The following NEK11 variants were observed in gnomAD, a reference collection of about 807,000 sequenced individuals.
The protein encoded by NEK11 is serine/threonine-protein kinase Nek11.
Under a neutral mutation model 80.7 loss-of-function variants are expected in NEK11, and 72 were observed. The ratio of observed to expected loss-of-function variants is 0.89; its 90% CI spans 0.74 to 1.08. NEK11 has a LOEUF of 1.08. Ranked by LOEUF, NEK11 falls within the 50% of genes least tolerant of loss-of-function variation. The pLI, the probability that NEK11 is intolerant of heterozygous loss-of-function variation, is 0.00. For synonymous variants in NEK11, 251 were observed against 260.7 expected (o/e 0.96, Z 0.36); for missense variants, 764 against 763.6 (o/e 1.00, Z -0.01).
At chr3:131,175,879 T>C (rs558862146) in intron 14 of NEK11, among the ~76,000 whole-genome samples, 1 of 152,188 alleles carries the variant, frequency 6.6e-6, no homozygotes, top group Admixed American at 6.5e-5. Context: ...AGTGAAGTCA[T>C]GGAGATAGAA....
At chr3:131,248,976 T>C (rs1028040626) in intron 16 of NEK11, among the ~76,000 whole-genome samples, 2 of 151,964 alleles carry the variant, frequency 1.3e-5, no homozygotes, top group Non-Finnish European at 2.9e-5. Context: ...ACTGATTGAA[T>C]AGTTAATATC....
intron 17 of NEK11, among the ~76,000 whole-genome samples, chr3:131,338,723 T>G (rs4300985): frequency 0.13 from 19,729 of 152,206 alleles, 1,894 homozygotes; most frequent in East Asian, 0.3. Flanking sequence ...GCTATGTTAA[T>G]TGAAAGGCAC....
intron 7 of NEK11, among the ~76,000 whole-genome samples, chr3:131,135,919 G>A (rs906564700): frequency 3.3e-5 from 5 of 151,898 alleles, no homozygotes; most frequent in Admixed American, 3.3e-4. Context: ...CCCACAGAGA[G>A]GAAAGGAAAG....
At chr3:131,240,767 T>G (rs548875794) in intron 15 of NEK11, among the ~76,000 whole-genome samples, 95 of 152,240 alleles carry the variant, frequency 6.2e-4, no homozygotes, top group African/African-American at 2.2e-3. Context: ...AGTGACACAG[T>G]TTTTTTCTTG....
chr3:131,095,112 A>T (rs1205195063), intron 4 of NEK11, among the ~76,000 whole-genome samples: 1 of 152,152 alleles, frequency 6.6e-6, no homozygotes, highest in Non-Finnish European at 1.5e-5. Flanking sequence ...GACTTGGATC[A>T]ATCTTATGGA....
intron 17 of NEK11, among the ~76,000 whole-genome samples, chr3:131,320,538 A>G (rs1279735057): frequency 6.6e-6 from 1 of 152,066 alleles, no homozygotes; most frequent in Non-Finnish European, 1.5e-5. Flanking sequence ...AGAGAGAGAG[A>G]GAAGGAAAGA....
intron 7 of NEK11, among the ~76,000 whole-genome samples, chr3:131,151,771 G>T (rs1234364504): frequency 1.3e-5 from 2 of 151,622 alleles, no homozygotes; most frequent in Non-Finnish European, 2.9e-5. Context: ...GATTTGCATG[G>T]TTAATCCAAA....
intron 5 of NEK11, among the ~76,000 whole-genome samples, chr3:131,122,688 A>T (rs958451823): frequency 6.6e-6 from 1 of 152,200 alleles, no homozygotes; most frequent in Non-Finnish European, 1.5e-5. Context: ...TAAACTGTTC[A>T]TATTAGGGCT....
intron 5 of NEK11, among the ~76,000 whole-genome samples, chr3:131,113,648 C>A (rs1292296408): frequency 6.6e-6 from 1 of 152,092 alleles, no homozygotes; most frequent in Non-Finnish European, 1.5e-5. Context: ...CACAGTGGCT[C>A]ACGTCTGTAA....
At chr3:131,337,479 T>G (rs1470214575) in intron 17 of NEK11, among the ~76,000 whole-genome samples, 16 of 137,268 alleles carry the variant, frequency 1.2e-4, no homozygotes, top group African/African-American at 2.5e-4. Context: ...GTGGGGGGAG[T>G]GGGGAGGGAT....
intron 17 of NEK11, among the ~76,000 whole-genome samples, chr3:131,312,160 A>G (rs2096788583): frequency 6.6e-6 from 1 of 152,212 alleles, no homozygotes. Context: ...AGATGTTAGG[A>G]GCACGGTTCT....
intron 3 of NEK11, among the ~76,000 whole-genome samples, chr3:131,079,034 G>A (rs1327111680): frequency 1.3e-5 from 2 of 151,336 alleles, no homozygotes; most frequent in African/African-American, 4.9e-5. Context: ...TCAGTTACTT[G>A]ACAGCTGTTT....
intron 17 of NEK11, among the ~76,000 whole-genome samples, chr3:131,336,935 G>A (rs2097195190): frequency 6.6e-6 from 1 of 152,094 alleles, no homozygotes; most frequent in African/African-American, 2.4e-5. Flanking sequence ...ACACCAGTTA[G>A]AATGGCAATC....
chr3:131,197,361 C>T (rs1022245817), intron 14 of NEK11, among the ~76,000 whole-genome samples: 14 of 152,088 alleles, frequency 9.2e-5, no homozygotes, highest in Admixed American at 5.2e-4. Context: ...GCTAGCAGGC[C>T]GGTCCAGGGG....
intron 7 of NEK11, among the ~76,000 whole-genome samples, chr3:131,149,201 G>A (rs1185959503): frequency 6.6e-6 from 1 of 151,942 alleles, no homozygotes; most frequent in Non-Finnish European, 1.5e-5. Flanking sequence ...GCATTCATGT[G>A]TAGTCAATGT....
chr3:131,227,341 G>GA (rs1026929998), intron 14 of NEK11, among the ~76,000 whole-genome samples: 2 of 152,062 alleles, frequency 1.3e-5, no homozygotes, highest in Admixed American at 1.3e-4. Flanking sequence ...TACAGACTTG[G>GA]AAATTGAGTG....
chr3:131,045,371 A>G (rs2109827700), intron 3 of NEK11, among the ~76,000 whole-genome samples: 1 of 152,280 alleles, frequency 6.6e-6, no homozygotes, highest in South Asian at 2.1e-4. Context: ...TACTTCAAAT[A>G]ATTTTTAAAT....
rs535310361 is a variant in NEK11, at chr3:131,283,041, T to A, written c.1718+9467T>A. Among the ~76,000 whole-genome samples the A allele has an allele frequency of 4.6e-5, 7 of 152,296 alleles. No individual in the cohort carries two copies. The East Asian group carries it at 1.4e-3, about 29-fold the overall frequency. On this transcript the variant is annotated intron_variant, in intron 17 of 17. Coordinates refer to ENST00000383366, the MANE Select transcript of NEK11 (RefSeq NM_024800.5). ...TATACCTGTGAGGTGCGGAGGATTC[T>A]CCATTTTATAGGTAAAGAGTTTGTA...
chr3:131,258,177 G>A (rs1206542671), intron 16 of NEK11, among the ~76,000 whole-genome samples: 1 of 150,914 alleles, frequency 6.6e-6, no homozygotes, highest in Non-Finnish European at 1.5e-5. Flanking sequence ...AAGGGTGGGA[G>A]GGGGTGAGGA....
Sources: gnomAD v4.1 joint callset for allele counts (sites outside exome capture counted in the v4.1 genomes callset) on GRCh38, gnomAD v4.1.1 for gene constraint, MANE v1.5 for transcripts, NCBI Gene and HGNC (gene_info 2026-07-23, HGNC 2026-07-21) for gene names.